CFAP299: variants seen among roughly 807,000 people sequenced by gnomAD.
CFAP299 encodes the protein cilia- and flagella-associated protein 299.
CFAP299 carries 21 observed loss-of-function variants against 27.0 expected under a neutral mutation model. The observed-to-expected ratio is 0.78, with a 90% CI of 0.55 to 1.12. CFAP299 has a LOEUF of 1.12. Among genes scored for constraint, CFAP299 ranks in the 50% most tolerant of loss-of-function variants. The pLI, the probability that CFAP299 is intolerant of heterozygous loss-of-function variation, is 0.00. For missense variants in CFAP299, 310 were observed against 276.6 expected (o/e 1.12, Z -0.86); for synonymous variants, 104 against 98.1 (o/e 1.06, Z -0.36).
intron 3 of CFAP299, among the ~76,000 whole-genome samples, chr4:80,662,060 T>C (rs1484459894): frequency 6.6e-6 from 1 of 152,194 alleles, no homozygotes; most frequent in East Asian, 1.9e-4. Context: ...TCAATGACAA[T>C]GCGTGCCCGA....
chr4:80,721,235 A>T (rs192271235), intron 3 of CFAP299, among the ~76,000 whole-genome samples: 58 of 152,360 alleles, frequency 3.8e-4, no homozygotes, highest in African/African-American at 1.4e-3. Context: ...AAGCTCAATG[A>T]ATCCCAAATG....
chr4:80,661,541 T>C (rs1381823279), intron 3 of CFAP299, among the ~76,000 whole-genome samples: 1 of 152,194 alleles, frequency 6.6e-6, no homozygotes, highest in African/African-American at 2.4e-5. Flanking sequence ...CCCCAGTCAA[T>C]ACTCTTGTGA....
chr4:80,372,836 C>T (rs1243204502), intron 2 of CFAP299, among the ~76,000 whole-genome samples: 1 of 152,074 alleles, frequency 6.6e-6, no homozygotes, highest in South Asian at 2.1e-4. Flanking sequence ...ATTGTAAATA[C>T]ATGTTATTGT....
At chr4:80,681,649 G>A (rs1233048991) in intron 3 of CFAP299, among the ~76,000 whole-genome samples, 2 of 152,026 alleles carry the variant, frequency 1.3e-5, no homozygotes, top group African/African-American at 4.8e-5. Flanking sequence ...AAAAGGAGAA[G>A]CATAAAAACA....
At chr4:80,677,368 A>G (rs1328450121) in intron 3 of CFAP299, among the ~76,000 whole-genome samples, 1 of 151,970 alleles carries the variant, frequency 6.6e-6, no homozygotes, top group Admixed American at 6.6e-5. Context: ...TCCTACTTTC[A>G]TACTCAGATG....
At chr4:80,562,462 G>A (rs1421888363) in intron 2 of CFAP299, among the ~76,000 whole-genome samples, 1 of 151,818 alleles carries the variant, frequency 6.6e-6, no homozygotes, top group African/African-American at 2.4e-5. Flanking sequence ...GCTGGGTGTA[G>A]TGGCGGGTGC....
intron 3 of CFAP299, among the ~76,000 whole-genome samples, chr4:80,811,702 G>A (rs935158479): frequency 6.6e-6 from 1 of 152,116 alleles, no homozygotes; most frequent in African/African-American, 2.4e-5. Context: ...TGCATTGCTG[G>A]AGAGTCAGTT....
chr4:80,386,512 T>TG lies in CFAP299; in HGVS notation c.242+23640dup, dbSNP rs151251894. The TG allele has an allele frequency of 2.0e-3, 2,922 of 1,468,882 alleles. 45 individuals carry two copies. In the African/African-American group the frequency reaches 0.038, roughly 19 times the overall value. 91.0% of individuals were successfully genotyped at this position (1,468,882 alleles called of 1,614,324 possible). On this transcript the variant is annotated intron_variant, in intron 2 of 5. Coordinates refer to ENST00000358105, the MANE Select transcript of CFAP299 (RefSeq NM_152770.3). ...GCTGCCCTCTTCTCGCGGGCGGTGG[T>TG]GGGGGGGGGGGGTGCCGCCGGGTTT...
intron 2 of CFAP299, among the ~76,000 whole-genome samples, chr4:80,550,546 G>A (rs1206923551): frequency 1.3e-5 from 2 of 152,002 alleles, no homozygotes; most frequent in Admixed American, 6.6e-5. Context: ...TCTTGTTTAA[G>A]TGATTATAAG....
chr4:80,475,995 A>G (rs28710855), intron 2 of CFAP299, among the ~76,000 whole-genome samples: 107 of 152,326 alleles, frequency 7.0e-4, no homozygotes, highest in African/African-American at 2.5e-3. Flanking sequence ...AGTGAGGCCA[A>G]GTAGTCTATC....
At chr4:80,799,485 AAT>A (rs1283344562) in intron 3 of CFAP299, among the ~76,000 whole-genome samples, 27 of 81,800 alleles carry the variant, frequency 3.3e-4, no homozygotes, top group Non-Finnish European at 4.6e-4. Flanking sequence ...ATATTTATTA[AAT>A]ATATATAATA....
chr4:80,355,218 C>T (rs1161941092), intron 1 of CFAP299, among the ~76,000 whole-genome samples: 2 of 151,994 alleles, frequency 1.3e-5, no homozygotes, highest in African/African-American at 2.4e-5. Flanking sequence ...GTAGCCATTC[C>T]GATTGGCATG....
intron 4 of CFAP299, among the ~76,000 whole-genome samples, chr4:80,903,105 G>A (rs1735011116): frequency 6.6e-6 from 1 of 152,038 alleles, no homozygotes; most frequent in South Asian, 2.1e-4. Context: ...AGATAATATT[G>A]AAAACTTTCC....
chr4:80,791,720 G>A (rs1260735819), intron 3 of CFAP299, among the ~76,000 whole-genome samples: 1 of 151,940 alleles, frequency 6.6e-6, no homozygotes, highest in Non-Finnish European at 1.5e-5. Flanking sequence ...AGAGCAATGA[G>A]TGAAGATTTC....
chr4:80,669,120 TTTTC>T (rs1741304188), intron 3 of CFAP299, among the ~76,000 whole-genome samples: 6 of 102,730 alleles, frequency 5.8e-5, no homozygotes, highest in Admixed American at 1.2e-4. Context: ...TTTTCTTTTC[TTTTC>T]TTTTCTGTCT....
intron 4 of CFAP299, among the ~76,000 whole-genome samples, chr4:80,938,436 A>C (rs1737029137): frequency 6.6e-6 from 1 of 152,238 alleles, no homozygotes; most frequent in Non-Finnish European, 1.5e-5. Context: ...CCTGCTGCAG[A>C]TAACTAGCCA....
Position 80,337,041 on chromosome 4 carries a change from T to A in CFAP299, c.111+1162T>A, listed in dbSNP as rs544823586. Among the ~76,000 whole-genome samples the A allele has an allele frequency of 4.6e-5, 7 of 152,354 alleles. No individual in the cohort carries two copies. The South Asian group carries it at 1.4e-3, about 32-fold the overall frequency. On this transcript the variant is annotated intron_variant, in intron 1 of 5. Transcript: ENST00000358105. ...AAATAAATGTAGGTGGTATTTCCAA[T>A]ATAGCTCCTGGCTTCAAAAGCAAAA...
At chr4:80,554,161 T>C (rs1246457789) in intron 2 of CFAP299, among the ~76,000 whole-genome samples, 17 of 152,146 alleles carry the variant, frequency 1.1e-4, no homozygotes, top group Admixed American at 1.1e-3. Flanking sequence ...CTCGAGTTGA[T>C]TTTTGTATAT....
intron 4 of CFAP299, among the ~76,000 whole-genome samples, chr4:80,921,652 T>C (rs1736051826): frequency 6.6e-6 from 1 of 152,022 alleles, no homozygotes; most frequent in Admixed American, 6.6e-5. Flanking sequence ...TGATTGTGAC[T>C]CATTCAAAGA....
Sources: gnomAD v4.1 joint callset for allele counts (sites outside exome capture counted in the v4.1 genomes callset) on GRCh38, gnomAD v4.1.1 for gene constraint, MANE v1.5 for transcripts, NCBI Gene and HGNC (gene_info 2026-07-23, HGNC 2026-07-21) for gene names.